Variants in MAGI2 observed in about 807,000 individuals in gnomAD.
MAGI2 encodes membrane-associated guanylate kinase, WW and PDZ domain-containing protein 2.
A neutral mutation model predicts 133.3 loss-of-function variants in MAGI2; 35 were observed. The observed-to-expected ratio is 0.26, with a 90% CI of 0.20 to 0.35. MAGI2 has a LOEUF of 0.35. Among genes scored for constraint, MAGI2 ranks in the 10% least tolerant of loss-of-function variants. The probability of loss-of-function intolerance (pLI) is 1.00; values close to 1 mark genes in which losing one functional copy is unlikely to be tolerated. For synonymous variants in MAGI2, 729 were observed against 710.6 expected, an observed-to-expected ratio of 1.03 and a Z score of -0.41; for missense variants, 1,636 against 1,863.4, an observed-to-expected ratio of 0.88 and a Z score of 2.25.
chr7:79,246,523 T>A (rs578066465), intron 1 of MAGI2, among the ~76,000 whole-genome samples: 3 of 152,252 alleles, frequency 2.0e-5, no homozygotes, highest in Admixed American at 2.0e-4. Flanking sequence ...GAACAATGCA[T>A]CAAAGTCTCT....
chr7:79,337,425 A>G lies in MAGI2; in HGVS notation c.301+115595T>C, dbSNP rs528428101. ...TTAAATATTGTGTGCACATTCCTAT[A>G]CATGTCCAGAGTTTCACTTTATATG... On this transcript the variant is annotated intron_variant, in intron 1 of 21. Transcript: ENST00000354212. 4.6e-5 allele frequency among the ~76,000 whole-genome samples: 7 copies of G among 152,334 alleles called. No individual in the cohort carries two copies. The South Asian group carries it at 8.3e-4, about 18-fold the overall frequency.
chr7:78,380,291 A>G (rs1163436263), intron 6 of MAGI2, among the ~76,000 whole-genome samples: 1 of 152,158 alleles, frequency 6.6e-6, no homozygotes, highest in Non-Finnish European at 1.5e-5. Context: ...ACAAAGCAAG[A>G]AGTACCAAGA....
At chr7:78,463,241 A>T (rs1451481200) in intron 6 of MAGI2, among the ~76,000 whole-genome samples, 1 of 152,232 alleles carries the variant, frequency 6.6e-6, no homozygotes, top group East Asian at 1.9e-4. Context: ...CCACGAAAGC[A>T]GGAGAGACAC....
At chr7:78,058,026 TAA>T (rs1812826551) in intron 21 of MAGI2, among the ~76,000 whole-genome samples, 2 of 147,098 alleles carry the variant, frequency 1.4e-5, no homozygotes, top group East Asian at 2.0e-4. Context: ...ATCTTGAATA[TAA>T]AAAGACATTA....
At position 78,042,637 on chromosome 7, in the gene MAGI2, T is replaced by G. The variant is rs114130982; in HGVS notation, c.3707-22661A>C. ...GTGAGTGAGTAGAGTACCTACCTCA[T>G]AGTTGTTGTGAGGTTTCAATGGGCT... On this transcript the variant is annotated intron_variant, in intron 21 of 21. Coordinates refer to ENST00000354212, the MANE Select transcript of MAGI2 (RefSeq NM_012301.4). 8.2e-3 allele frequency among the ~76,000 whole-genome samples: 1,256 copies of G among 152,348 alleles called. 18 individuals are homozygous for G. Among genetic ancestry groups the G allele is most frequent in the African/African-American group, 0.028 (1,171 of 41,580 alleles).
chr7:78,999,648 G>A (rs186907751), intron 2 of MAGI2, among the ~76,000 whole-genome samples: 1 of 152,134 alleles, frequency 6.6e-6, no homozygotes, highest in East Asian at 1.9e-4. Flanking sequence ...CTATGCCAAG[G>A]GCATACATCG....
intron 1 of MAGI2, among the ~76,000 whole-genome samples, chr7:79,332,061 C>T (rs1840120702): frequency 6.6e-6 from 1 of 152,086 alleles, no homozygotes; most frequent in Non-Finnish European, 1.5e-5. Flanking sequence ...AAACCTTTAA[C>T]ACATAGTATC....
chr7:78,255,742 T>TA, intron 10 of MAGI2: 1 of 643,446 alleles, frequency 1.6e-6, no homozygotes, highest in Non-Finnish European at 2.7e-6. Flanking sequence ...TTATTGTGTT[T>TA]AATACAAAAT....
intron 9 of MAGI2, among the ~76,000 whole-genome samples, chr7:78,297,954 G>A (rs539446060): frequency 1.4e-5 from 2 of 146,162 alleles, no homozygotes; most frequent in East Asian, 2.0e-4. Flanking sequence ...CCTGCACAAT[G>A]TGCACATGTA....
At chr7:79,243,418 G>T (rs111661187) in intron 1 of MAGI2, among the ~76,000 whole-genome samples, 1 of 152,314 alleles carries the variant, frequency 6.6e-6, no homozygotes, top group Non-Finnish European at 1.5e-5. Context: ...GCTGGAAACA[G>T]ACAATATGAT....
intron 2 of MAGI2, among the ~76,000 whole-genome samples, chr7:78,803,789 A>G (rs1260681240): frequency 1.3e-5 from 2 of 152,246 alleles, no homozygotes; most frequent in East Asian, 3.8e-4. Flanking sequence ...AAAAATTTAC[A>G]TAATATTTGC....
intron 1 of MAGI2, among the ~76,000 whole-genome samples, chr7:79,354,919 A>C (rs1376726005): frequency 6.6e-6 from 1 of 152,054 alleles, no homozygotes; most frequent in Admixed American, 6.5e-5. Context: ...TTTCCCCTGG[A>C]CCCAATAGGT....
intron 2 of MAGI2, among the ~76,000 whole-genome samples, chr7:78,743,988 T>G (rs1822679030): frequency 6.6e-6 from 1 of 152,186 alleles, no homozygotes; most frequent in Non-Finnish European, 1.5e-5. Flanking sequence ...TTTATTTTTG[T>G]CAATCTAAAG....
chr7:78,184,389 T>C (rs1827483115), intron 13 of MAGI2: 1 of 152,200 alleles, frequency 6.6e-6, no homozygotes, highest in Non-Finnish European at 1.5e-5. Context: ...ATCTTCCATA[T>C]TTTCTACATA....
At chr7:79,130,900 AATTCATTCATTCATTCATTC>A (rs10555338) in intron 1 of MAGI2, among the ~76,000 whole-genome samples, 1 of 150,590 alleles carries the variant, frequency 6.6e-6, no homozygotes, top group Admixed American at 6.6e-5. Flanking sequence ...GAAAGTCACC[AATTCATTCATTCATTCATTC>A]ATTCATTCAT....
chr7:78,049,206 G>A (rs141235013), intron 21 of MAGI2, among the ~76,000 whole-genome samples: 2 of 152,114 alleles, frequency 1.3e-5, no homozygotes, highest in African/African-American at 2.4e-5. Flanking sequence ...GACAGGACAT[G>A]ATGAGAAAGA....
intron 3 of MAGI2, chr7:78,618,067 A>C (rs1398420309): frequency 6.6e-6 from 1 of 152,074 alleles, no homozygotes; most frequent in East Asian, 1.9e-4. Flanking sequence ...TCATTAATGC[A>C]TAGAACAAAT....
At chr7:78,546,973 G>A (rs754715585) in intron 3 of MAGI2, among the ~76,000 whole-genome samples, 7 of 152,090 alleles carry the variant, frequency 4.6e-5, no homozygotes, top group Non-Finnish European at 8.8e-5. Context: ...TATTAACAAA[G>A]GGCATAGTCT....
intron 2 of MAGI2, among the ~76,000 whole-genome samples, chr7:78,744,147 A>G (rs550349385): frequency 5.4e-4 from 82 of 152,290 alleles, no homozygotes; most frequent in African/African-American, 1.7e-3. Context: ...CAATAAAGAT[A>G]TATTTTCAAG....
Sources: allele counts gnomAD v4.1 joint callset (sites outside exome capture counted in the v4.1 genomes callset), GRCh38; gene constraint gnomAD v4.1.1; transcripts MANE v1.5; gene names NCBI Gene and HGNC (gene_info 2026-07-23, HGNC 2026-07-21).